The following AFG1L variants were observed in gnomAD, a reference collection of about 807,000 sequenced individuals.
AFG1L encodes AFG1-like ATPase.
Under a neutral mutation model 62.2 loss-of-function variants are expected in AFG1L, and 53 were observed. That is an observed-to-expected ratio of 0.85 (90% CI 0.68 to 1.07). The LOEUF (loss-of-function observed/expected upper bound fraction) is 1.07, where lower values mean the gene tolerates loss of function less well. Ranked by LOEUF, AFG1L falls within the 50% of genes least tolerant of loss-of-function variation. AFG1L has a pLI of 0.00. For synonymous variants in AFG1L, 228 were observed against 210.3 expected, an observed-to-expected ratio of 1.08 and a Z score of -0.73; for missense variants, 555 against 590.5, an observed-to-expected ratio of 0.94 and a Z score of 0.62.
intron 2 of AFG1L, among the ~76,000 whole-genome samples, chr6:108,327,150 G>A (rs1778077844): frequency 6.6e-6 from 1 of 152,118 alleles, no homozygotes; most frequent in African/African-American, 2.4e-5. Context: ...TAAAGCTCCT[G>A]AGAGTATAAT....
chr6:108,492,392 A>G (rs576760783), intron 10 of AFG1L, among the ~76,000 whole-genome samples: 1 of 152,338 alleles, frequency 6.6e-6, no homozygotes, highest in Non-Finnish European at 1.5e-5. Flanking sequence ...TACTGATTTC[A>G]ATGATTATGG....
chr6:108,372,010 G>A lies in AFG1L; in HGVS notation c.748+5678G>A, dbSNP rs187207114. Among the ~76,000 whole-genome samples, 217 of 151,962 alleles carry A rather than the reference G, an allele frequency of 1.4e-3. 2 individuals carry two copies. Among genetic ancestry groups the A allele is most frequent in the Middle Eastern group, 0.01 (3 of 294 alleles). ...TGGGCTCAAGTAGTTCTCCCTCCTA[G>A]TCCTCCCAAAAGGCTGGGATTATAA... On this transcript the variant is annotated intron_variant, in intron 6 of 12. Transcript: ENST00000368977.
chr6:108,331,028 C>T (rs1419543122), intron 2 of AFG1L, among the ~76,000 whole-genome samples: 1 of 152,072 alleles, frequency 6.6e-6, no homozygotes, highest in African/African-American at 2.4e-5. Flanking sequence ...TGGCTCATGC[C>T]TGTAATTCCG....
intron 11 of AFG1L, among the ~76,000 whole-genome samples, chr6:108,516,781 G>A (rs1774912940): frequency 6.6e-6 from 1 of 152,156 alleles, no homozygotes; most frequent in Non-Finnish European, 1.5e-5. Flanking sequence ...ATCTCCTTAA[G>A]CCGATAAGCA....
At chr6:108,314,396 CTT>C (rs779796652) in intron 1 of AFG1L, among the ~76,000 whole-genome samples, 23 of 140,556 alleles carry the variant, frequency 1.6e-4, no homozygotes, top group Non-Finnish European at 1.9e-4. Flanking sequence ...TCTGCTTCTT[CTT>C]TTTTTTTTTT....
intron 7 of AFG1L, among the ~76,000 whole-genome samples, chr6:108,436,168 CAG>C (rs1383879943): frequency 6.6e-6 from 1 of 151,902 alleles, no homozygotes; most frequent in African/African-American, 2.4e-5. Context: ...TTTTTTTAGA[CAG>C]AGTCTCGCTG....
At chr6:108,411,369 C>T in intron 7 of AFG1L, among the ~76,000 whole-genome samples, 1 of 151,850 alleles carries the variant, frequency 6.6e-6, no homozygotes, top group East Asian at 1.9e-4. Context: ...GCAGAAACTT[C>T]TGTATATTTA....
intron 5 of AFG1L, among the ~76,000 whole-genome samples, chr6:108,357,626 G>C (rs1271689790): frequency 1.3e-5 from 2 of 152,162 alleles, no homozygotes; most frequent in African/African-American, 4.8e-5. Flanking sequence ...GTTATATAAA[G>C]AACAAGTGAT....
At chr6:108,427,054 T>C (rs1562154242) in intron 7 of AFG1L, among the ~76,000 whole-genome samples, 1 of 152,186 alleles carries the variant, frequency 6.6e-6, no homozygotes, top group Non-Finnish European at 1.5e-5. Context: ...ATCCTAAAGA[T>C]CTTTTGATAT....
Position 108,366,918 on chromosome 6 carries a change from T to C in AFG1L, c.748+586T>C, listed in dbSNP as rs576015032. ...CACAAATATTTCATGAGAGACTTAA[T>C]GGGAACATCTTTCTGCCTGGAGTGC... On this transcript the variant is annotated intron_variant, in intron 6 of 12. Transcript: ENST00000368977. Among the ~76,000 whole-genome samples the C allele has an allele frequency of 9.2e-5, 14 of 152,276 alleles. 1 individual carries two copies. Among genetic ancestry groups the C allele is most frequent in the African/African-American group, 3.4e-4 (14 of 41,564 alleles).
chr6:108,468,723 A>G (rs1461687006), intron 8 of AFG1L, among the ~76,000 whole-genome samples: 1 of 142,430 alleles, frequency 7.0e-6, no homozygotes, highest in African/African-American at 2.6e-5. Context: ...TTGTGAATTG[A>G]TCTTCTAATG....
In AFG1L at chr6:108,439,821, C is replaced by T. The variant is rs1348110441; in HGVS notation, c.808-7393C>T. Among the ~76,000 whole-genome samples the T allele has an allele frequency of 2.0e-5, 3 of 152,146 alleles. No homozygotes were observed. The East Asian group carries it at 5.8e-4, about 29-fold the overall frequency. ...ATTACTTTAAATATGACTCAAACAGCTGTCTTAGAATGTATAGCTGCCTCA... is the reference window on the plus strand; with the variant it reads ...ATTACTTTAAATATGACTCAAACAGTTGTCTTAGAATGTATAGCTGCCTCA... On this transcript the variant is annotated intron_variant, in intron 7 of 12. Transcript: ENST00000368977.
At chr6:108,491,037 C>T (rs964408239) in intron 10 of AFG1L, among the ~76,000 whole-genome samples, 6 of 152,228 alleles carry the variant, frequency 3.9e-5, no homozygotes, top group African/African-American at 1.2e-4. Context: ...ATAATTTTAG[C>T]ATGGATTTAT....
chr6:108,433,872 C>T (rs1052033537), intron 7 of AFG1L, among the ~76,000 whole-genome samples: 6 of 152,172 alleles, frequency 3.9e-5, no homozygotes, highest in Admixed American at 2.6e-4. Flanking sequence ...AGATTACAGG[C>T]GTGAGCCACT....
At chr6:108,318,445 C>T (rs1252416967) in intron 1 of AFG1L, 1 of 179,140 alleles carries the variant, frequency 5.6e-6, no homozygotes, top group East Asian at 1.4e-4. Context: ...ATAATAAAAT[C>T]TTGAGGTTAC....
At chr6:108,427,858 A>G (rs1471930652) in intron 7 of AFG1L, among the ~76,000 whole-genome samples, 1 of 152,186 alleles carries the variant, frequency 6.6e-6, no homozygotes, top group African/African-American at 2.4e-5. Flanking sequence ...TCTTGTAATT[A>G]AAACTTTGCT....
At chr6:108,456,941 A>G (rs971963821) in intron 8 of AFG1L, among the ~76,000 whole-genome samples, 1 of 152,196 alleles carries the variant, frequency 6.6e-6, no homozygotes, top group Admixed American at 6.5e-5. Context: ...ATTAGGCTAT[A>G]CCGTACACCA....
intron 10 of AFG1L, among the ~76,000 whole-genome samples, chr6:108,489,994 A>G (rs1773712646): frequency 6.6e-6 from 1 of 152,260 alleles, no homozygotes; most frequent in Non-Finnish European, 1.5e-5. Flanking sequence ...GAGGACTAGT[A>G]TAGTTTAATC....
intron 6 of AFG1L, among the ~76,000 whole-genome samples, chr6:108,373,589 T>C (rs911554159): frequency 2.5e-4 from 36 of 144,876 alleles, no homozygotes; most frequent in Admixed American, 2.3e-3. Flanking sequence ...GTTCTGAGAT[T>C]TTTTTTTTTT....
Sources: gnomAD v4.1 joint callset for allele counts (sites outside exome capture counted in the v4.1 genomes callset) on GRCh38, gnomAD v4.1.1 for gene constraint, MANE v1.5 for transcripts, NCBI Gene and HGNC (gene_info 2026-07-23, HGNC 2026-07-21) for gene names.